The following RBFOX3 variants were observed in gnomAD, a reference collection of about 807,000 sequenced individuals.
The protein encoded by RBFOX3 is RNA binding fox-1 homolog 3, also known as RNA binding protein fox-1 homolog 3.
In RBFOX3, 17 loss-of-function variants were observed where a neutral mutation model predicts 48.7. The ratio of observed to expected loss-of-function variants is 0.35; its 90% CI spans 0.24 to 0.52. The LOEUF (loss-of-function observed/expected upper bound fraction) is 0.52. RBFOX3 is among the 20% of genes least tolerant of loss of function. RBFOX3 has a pLI of 0.94. For synonymous variants in RBFOX3, 212 were observed against 209.5 expected, an observed-to-expected ratio of 1.01 and a Z score of -0.10; for missense variants, 382 against 497.5, an observed-to-expected ratio of 0.77 and a Z score of 2.21.
intron 3 of RBFOX3, among the ~76,000 whole-genome samples, chr17:79,258,430 C>G (rs759810130): frequency 6.6e-6 from 1 of 152,196 alleles, no homozygotes; most frequent in Non-Finnish European, 1.5e-5. Flanking sequence ...TTGCCGTGGA[C>G]CACAGTCAAG....
chr17:79,571,065 T>G (rs1422061737), intron 1 of RBFOX3, among the ~76,000 whole-genome samples: 1 of 152,216 alleles, frequency 6.6e-6, no homozygotes, highest in African/African-American at 2.4e-5. Context: ...ATTATTGTAA[T>G]GCCAGTTCCA....
At chr17:79,102,367 T>C (rs2009214) in intron 8 of RBFOX3, among the ~76,000 whole-genome samples, 53,125 of 152,110 alleles carry the variant, frequency 0.35, 10,000 homozygotes, top group Non-Finnish European at 0.42. Flanking sequence ...GGCGTGGGGC[T>C]GCAGCCTGGC....
chr17:79,489,134 C>A (rs1370976480), intron 1 of RBFOX3, among the ~76,000 whole-genome samples: 3 of 151,766 alleles, frequency 2.0e-5, no homozygotes, highest in Non-Finnish European at 2.9e-5. Context: ...TCAGAGGACT[C>A]CACTCGCACA....
intron 4 of RBFOX3, chr17:79,234,921 A>C (rs2061466776): frequency 6.6e-6 from 1 of 151,458 alleles, no homozygotes; most frequent in African/African-American, 2.4e-5. Flanking sequence ...TAGTAGAGAT[A>C]GGGTTTCGCC....
chr17:79,127,835 G>C (rs1363346960), intron 4 of RBFOX3, among the ~76,000 whole-genome samples: 1 of 152,226 alleles, frequency 6.6e-6, no homozygotes, highest in Non-Finnish European at 1.5e-5. Flanking sequence ...GGAGGTTCAA[G>C]ATGAAAGGCG....
chr17:79,545,061 A>G (rs1415501769), intron 1 of RBFOX3, among the ~76,000 whole-genome samples: 6 of 151,882 alleles, frequency 4.0e-5, no homozygotes, highest in African/African-American at 1.5e-4. Context: ...AAAAACAAGA[A>G]TGAATCCTGG....
chr17:79,211,139 C>T (rs917804371), intron 4 of RBFOX3, among the ~76,000 whole-genome samples: 7 of 152,212 alleles, frequency 4.6e-5, no homozygotes, highest in South Asian at 2.1e-4. Context: ...CTCCAGCGTC[C>T]GGCGGTCTCA....
chr17:79,423,087 G>T lies in RBFOX3; in HGVS notation c.-175+59367C>A, dbSNP rs2148773587. Among the ~76,000 whole-genome samples, 1 of 152,272 alleles carries T rather than the reference G, an allele frequency of 6.6e-6. No individual in the cohort carries two copies. Among genetic ancestry groups the T allele is most frequent in the Admixed American group, 6.5e-5 (1 of 15,300 alleles). ...GTGTGCCACGAACTCCCCTCTTTCT[G>T]CCTCCAGCCCCAGTCTCCTTCCAGA... On this transcript the variant is annotated intron_variant, in intron 2 of 14. Coordinates refer to ENST00000693108, the MANE Select transcript of RBFOX3 (RefSeq NM_001350451.2). This position sits in a 1 kb window ranked among gnomAD's most constrained non-coding sequence, Gnocchi z 4.9.
At chr17:79,652,822 G>A in the RBFOX3 span, among the ~76,000 whole-genome samples, 1 of 151,824 alleles carries the variant, frequency 6.6e-6, no homozygotes, top group Non-Finnish European at 1.5e-5. Flanking sequence ...TACCATAAAT[G>A]TCCCCAGAAC....
At chr17:79,485,606 C>G (rs1188332314) in intron 1 of RBFOX3, among the ~76,000 whole-genome samples, 1 of 152,220 alleles carries the variant, frequency 6.6e-6, no homozygotes, top group African/African-American at 2.4e-5. Flanking sequence ...CAGCCCCACA[C>G]TTCTCCACCA....
chr17:79,406,396 G>T (rs575815492), intron 2 of RBFOX3, among the ~76,000 whole-genome samples: 1 of 152,242 alleles, frequency 6.6e-6, no homozygotes, highest in East Asian at 1.9e-4. Flanking sequence ...CTCAGGACTG[G>T]TTGGGTCTCA....
chr17:79,562,662 G>A (rs988716904), intron 1 of RBFOX3, among the ~76,000 whole-genome samples: 2 of 152,160 alleles, frequency 1.3e-5, no homozygotes, highest in Admixed American at 6.5e-5. Context: ...TGCTGCTGCC[G>A]CTTCGGTGTC....
chr17:79,121,203 G>T (rs1011424794), intron 4 of RBFOX3, among the ~76,000 whole-genome samples: 2 of 151,942 alleles, frequency 1.3e-5, no homozygotes, highest in African/African-American at 4.8e-5. Context: ...TCCCAGACAT[G>T]ACCAACCACG....
At chr17:79,266,554 C>G (rs913785883) in intron 3 of RBFOX3, among the ~76,000 whole-genome samples, 6 of 152,144 alleles carry the variant, frequency 3.9e-5, no homozygotes, top group Non-Finnish European at 7.4e-5. Flanking sequence ...TCCCGAAGTG[C>G]TTGGAATTTC....
In RBFOX3 at chr17:79,243,115, A is replaced by T. The variant is rs2062631351; in HGVS notation, c.-73-7310T>A. The stretch of plus-strand genomic sequence containing the variant: ...GGGGGCAGGTACTATGATCACTTCC[A>T]GTTTCCAAACATCAAATCTGAAGCT... On this transcript the variant is annotated intron_variant, in intron 3 of 14. Transcript: ENST00000693108. This position sits in a 1 kb window ranked among gnomAD's most constrained non-coding sequence, Gnocchi z 7.9. Among the ~76,000 whole-genome samples, 1 of 152,170 alleles carries T rather than the reference A, an allele frequency of 6.6e-6. No homozygotes were observed. Among genetic ancestry groups the T allele is most frequent in the Non-Finnish European group, 1.5e-5 (1 of 68,022 alleles).
chr17:79,451,830 G>A (rs550566607), intron 2 of RBFOX3, among the ~76,000 whole-genome samples: 2 of 152,354 alleles, frequency 1.3e-5, no homozygotes, highest in South Asian at 2.1e-4. Context: ...CGCAGTGTTC[G>A]TACGTTAGGT....
chr17:79,369,051 C>T (rs141989580), intron 2 of RBFOX3, among the ~76,000 whole-genome samples: 9 of 152,254 alleles, frequency 5.9e-5, no homozygotes, highest in African/African-American at 2.2e-4. Flanking sequence ...AGGAGGGGCT[C>T]CAACCACACC....
chr17:79,267,512 T>C (rs73416120), intron 3 of RBFOX3, among the ~76,000 whole-genome samples: 2,399 of 152,266 alleles, frequency 0.016, 60 homozygotes, highest in African/African-American at 0.054. Context: ...TGCTTCAGCC[T>C]CCCAACTAAC....
intron 1 of RBFOX3, among the ~76,000 whole-genome samples, chr17:79,581,980 G>A (rs1455862944): frequency 2.0e-5 from 3 of 151,830 alleles, no homozygotes; most frequent in African/African-American, 7.3e-5. Flanking sequence ...GTGCGTGGCT[G>A]TGTATGCAAG....
Sources: allele counts gnomAD v4.1 joint callset (sites outside exome capture counted in the v4.1 genomes callset), GRCh38; gene constraint gnomAD v4.1.1; non-coding constraint Gnocchi (gnomAD v3.1); transcripts MANE v1.5; gene names NCBI Gene and HGNC (gene_info 2026-07-23, HGNC 2026-07-21).